FANCM: variants seen among roughly 807,000 people sequenced by gnomAD.
FANCM encodes the protein Fanconi anemia group M protein.
Under a neutral mutation model 199.5 loss-of-function variants are expected in FANCM, and 140 were observed. That is an observed-to-expected ratio of 0.70 (90% CI 0.61 to 0.81). The LOEUF (loss-of-function observed/expected upper bound fraction) is 0.81. Ranked by LOEUF, FANCM falls within the 30% of genes least tolerant of loss-of-function variation. FANCM has a pLI of 0.00. For missense variants in FANCM, 2,410 were observed against 2,421.4 expected, an observed-to-expected ratio of 1.00 and a Z score of 0.10; for synonymous variants, 840 against 836.8, an observed-to-expected ratio of 1.00 and a Z score of -0.07.
chr14:45,154,607 C>G (rs1935685275), intron 6 of FANCM, 90 bp from the exon 7 acceptor site: 2 of 949,704 alleles, frequency 2.1e-6, no homozygotes, highest in Non-Finnish European at 3.1e-6. Flanking sequence ...AACTTACATT[C>G]ATTGCTAAAG....
chr14:45,139,921 G>A, intron 2 of FANCM, among the ~76,000 whole-genome samples: 1 of 152,196 alleles, frequency 6.6e-6, no homozygotes, highest in South Asian at 2.1e-4. Context: ...AGAGGTTGAG[G>A]CTACAGTGAG....
At chr14:45,152,277 G>C (rs369186328) in intron 5 of FANCM, among the ~76,000 whole-genome samples, 1 of 152,086 alleles carries the variant, frequency 6.6e-6, no homozygotes, top group East Asian at 1.9e-4. Flanking sequence ...TGATCTGCCT[G>C]TCTCGGCCTC....
At chr14:45,141,159 G>T (rs1360131267) in intron 3 of FANCM, among the ~76,000 whole-genome samples, 1 of 151,536 alleles carries the variant, frequency 6.6e-6, no homozygotes, top group Non-Finnish European at 1.5e-5. Flanking sequence ...GTGGTGGTGG[G>T]CACCTGTAGT....
At chr14:45,160,324 T>C (rs1014816115) in intron 9 of FANCM, among the ~76,000 whole-genome samples, 5 of 150,412 alleles carry the variant, frequency 3.3e-5, no homozygotes, top group Admixed American at 6.6e-5. Context: ...TTTTCTTTTT[T>C]TTTTTTTTTT....
intron 7 of FANCM, 25 bp from the exon 8 acceptor site, chr14:45,155,348 T>A (rs531337486): frequency 2.4e-5 from 25 of 1,032,412 alleles, no homozygotes; most frequent in African/African-American, 2.1e-4. Flanking sequence ...CAGAAAAAAA[T>A]TTTGATATTT....
rs1280108920 is a variant in FANCM at position 45,189,117 on chromosome 14, AAAC to A, written c.5100_5102del (p.Gln1701del). On this transcript the variant is annotated inframe_deletion, in exon 20 of 23. Coordinates refer to ENST00000267430, the MANE Select transcript of FANCM (RefSeq NM_020937.4). The stretch of plus-strand genomic sequence containing the variant: ...TAACCCAAGCACTGTTAAGAAGAAC[AAAC>A]AACAGGACCATTGTTTAAATTCAGT... 1 of 1,614,212 alleles carries A rather than the reference AAAC, an allele frequency of 6.2e-7. No homozygotes were observed. Among genetic ancestry groups the A allele is most frequent in the East Asian group, 2.2e-5 (1 of 44,886 alleles).
intron 9 of FANCM, among the ~76,000 whole-genome samples, chr14:45,159,647 A>G (rs1390338941): frequency 6.6e-6 from 1 of 152,188 alleles, no homozygotes; most frequent in Non-Finnish European, 1.5e-5. Flanking sequence ...CTTATTGTAG[A>G]GCCACCAATA....
At chr14:45,146,750 G>T (rs1478683361) in intron 3 of FANCM, among the ~76,000 whole-genome samples, 1 of 149,528 alleles carries the variant, frequency 6.7e-6, no homozygotes, top group East Asian at 2.0e-4. Flanking sequence ...CAAGAATGGC[G>T]TGAACCTGGG....
intron 9 of FANCM, among the ~76,000 whole-genome samples, 181 bp downstream of exon 9, chr14:45,159,461 A>G (rs534842194): frequency 6.6e-6 from 1 of 151,536 alleles, no homozygotes; most frequent in Middle Eastern, 3.2e-3. Context: ...TGGTTTTGGA[A>G]CTTTTTTTTT....
chr14:45,200,040 C>G lies in FANCM; in HGVS notation c.*32C>G, dbSNP rs1371290614. 6.5e-7 allele frequency: 1 copy of G among 1,532,472 alleles called. No homozygotes were observed. The allele number at this position is 1,532,472 out of a possible 1,614,324, so 94.9% of individuals were successfully genotyped here. On this transcript the variant is annotated 3_prime_UTR_variant, in exon 23 of 23. Coordinates refer to ENST00000267430, the MANE Select transcript of FANCM (RefSeq NM_020937.4). Reference sequence around the variant, plus strand: ...TGCTCAAGATGGGGTTTTCAAAGACCTCTCACAATATTAAATGCACTTCAA... The same window carrying G: ...TGCTCAAGATGGGGTTTTCAAAGACGTCTCACAATATTAAATGCACTTCAA...
chr14:45,160,241 G>T (rs141565060), intron 9 of FANCM, among the ~76,000 whole-genome samples: 7 of 151,254 alleles, frequency 4.6e-5, no homozygotes, highest in Non-Finnish European at 1.0e-4. Flanking sequence ...TGATCCGCCC[G>T]CCTCAGCCTC....
chr14:45,179,557 CTTTCTTTTT>C (rs1391877995), intron 14 of FANCM, among the ~76,000 whole-genome samples: 1 of 123,376 alleles, frequency 8.1e-6, no homozygotes, highest in Non-Finnish European at 1.6e-5. Context: ...CATTTTCTTT[CTTTCTTTTT>C]TTTTTTTTTT....
chr14:45,136,766 C>T (rs1208087116), intron 1 of FANCM, among the ~76,000 whole-genome samples: 1 of 152,206 alleles, frequency 6.6e-6, no homozygotes, highest in African/African-American at 2.4e-5. Context: ...CCATGGGTAA[C>T]TGAACATGAT....
chr14:45,151,435 T>C lies in FANCM; in HGVS notation c.957T>C (p.Asn319=). ...TTGCTCGTTCTTTGATTCAGAGGAATGTTTTGATGAGAAGGGATATCCCAA... is the reference window on the plus strand; with the variant it reads ...TTGCTCGTTCTTTGATTCAGAGGAACGTTTTGATGAGAAGGGATATCCCAA... ...ESFARSLIQR[N]VLMRRDIPNL... Residue 319 remains asparagine, a synonymous_variant, in exon 5 of 23, where the codon AAT becomes AAC. Transcript: ENST00000267430. 3 of 1,613,638 alleles carry C rather than the reference T, an allele frequency of 1.9e-6. No individual in the cohort carries two copies. The highest frequency in any genetic ancestry group is 1.3e-5 in the African/African-American group (1 of 75,054).
At chr14:45,184,182 G>A (rs1005314159) in intron 17 of FANCM, among the ~76,000 whole-genome samples, 2 of 151,986 alleles carry the variant, frequency 1.3e-5, no homozygotes, top group Admixed American at 1.3e-4. Flanking sequence ...AGAAAATATA[G>A]AATTAGAAAT....
intron 2 of FANCM, among the ~76,000 whole-genome samples, chr14:45,138,510 A>G (rs1041175424): frequency 2.0e-5 from 3 of 152,228 alleles, no homozygotes; most frequent in Admixed American, 6.5e-5. Flanking sequence ...ATAGCATGTT[A>G]AAAATTTCCA....
intron 13 of FANCM, among the ~76,000 whole-genome samples, chr14:45,173,607 A>G (rs1225919362): frequency 6.6e-6 from 1 of 152,168 alleles, no homozygotes; most frequent in African/African-American, 2.4e-5. Flanking sequence ...TTCTTCCTAG[A>G]GTCAGCATAG....
chr14:45,198,484 A>G (rs1359233458), intron 21 of FANCM, 160 bp from the exon 22 acceptor site: 2 of 502,186 alleles, frequency 4.0e-6, no homozygotes, highest in East Asian at 3.1e-5. Flanking sequence ...TCTTTCTCAG[A>G]TATTTGAGAA....
At position 45,152,701 on chromosome 14, in the gene FANCM, A is replaced by C. The variant is rs544375379; in HGVS notation, c.1050+1173A>C. On this transcript the variant is annotated intron_variant, in intron 5 of 22. Coordinates refer to ENST00000267430, the MANE Select transcript of FANCM (RefSeq NM_020937.4). ...GACCAATTTGGCTGAGGATTTGGAAACTGGATATGATAATATAGGTTGTAC... is the reference window on the plus strand; with the variant it reads ...GACCAATTTGGCTGAGGATTTGGAACCTGGATATGATAATATAGGTTGTAC... Among the ~76,000 whole-genome samples, 15 of 152,322 alleles carry C rather than the reference A, an allele frequency of 9.8e-5. 1 individual carries two copies. The South Asian group carries it at 3.1e-3, about 32-fold the overall frequency.
Sources: allele counts gnomAD v4.1 joint callset (sites outside exome capture counted in the v4.1 genomes callset), GRCh38; gene constraint gnomAD v4.1.1; transcripts MANE v1.5; gene names NCBI Gene and HGNC (gene_info 2026-07-23, HGNC 2026-07-21).